The following OTUD7A variants were observed in gnomAD, a reference collection of about 807,000 sequenced individuals.
The protein encoded by OTUD7A is OTU domain-containing protein 7A.
OTUD7A carries 12 observed loss-of-function variants against 65.7 expected under a neutral mutation model. That is an observed-to-expected ratio of 0.18 (90% CI 0.12 to 0.30). The LOEUF is 0.30. Ranked by LOEUF, OTUD7A falls within the 10% of genes least tolerant of loss-of-function variation. The probability of loss-of-function intolerance (pLI) is 1.00; values close to 1 mark genes in which losing one functional copy is unlikely to be tolerated. For synonymous variants in OTUD7A, 641 were observed against 586.3 expected (o/e 1.09, Z -1.35); for missense variants, 1,148 against 1,304.8 (o/e 0.88, Z 1.85).
intron 1 of OTUD7A, among the ~76,000 whole-genome samples, chr15:31,840,637 T>C (rs1224281894): frequency 1.3e-5 from 2 of 152,152 alleles, no homozygotes; most frequent in African/African-American, 4.8e-5. Context: ...TAATAGACAC[T>C]GGTAGTGGTG....
In OTUD7A at chr15:31,796,142, C is replaced by CGT. The variant is rs145581747; in HGVS notation, c.-100+74363_-100+74364dup. Among the ~76,000 whole-genome samples, 1,436 of 148,070 alleles carry CGT rather than the reference C, an allele frequency of 9.7e-3. 25 individuals carry two copies. Among genetic ancestry groups the CGT allele is most frequent in the African/African-American group, 0.032 (1,286 of 39,854 alleles). ...AGAGAAGCAGAACCAGTAAGGGGTG[C>CGT]GTGTGTGTGTGTGTGTGTGTGTGTA... On this transcript the variant is annotated intron_variant, in intron 1 of 12. Coordinates refer to ENST00000307050, the MANE Select transcript of OTUD7A (RefSeq NM_001382637.1).
At chr15:31,735,934 A>G (rs558638271) in intron 1 of OTUD7A, among the ~76,000 whole-genome samples, 1 of 152,340 alleles carries the variant, frequency 6.6e-6, no homozygotes, top group South Asian at 2.1e-4. Context: ...GCTGGAGGCC[A>G]TTATCCTTAA....
chr15:31,650,970 T>C (rs185034982), intron 3 of OTUD7A, among the ~76,000 whole-genome samples: 3,848 of 150,500 alleles, frequency 0.026, 26 homozygotes, highest in Non-Finnish European at 0.032. Flanking sequence ...GGCTCACTAC[T>C]GGGATGAAGA....
chr15:31,844,007 C>T (rs1302610935), intron 1 of OTUD7A, among the ~76,000 whole-genome samples: 1 of 152,230 alleles, frequency 6.6e-6, no homozygotes, highest in Non-Finnish European at 1.5e-5. Context: ...TCAATCAGAC[C>T]TCATTAATTC....
At chr15:31,633,046 G>A (rs1891228133) in intron 3 of OTUD7A, among the ~76,000 whole-genome samples, 1 of 152,188 alleles carries the variant, frequency 6.6e-6, no homozygotes, top group African/African-American at 2.4e-5. Context: ...ACTAGGAAAG[G>A]GAATTCCCTG....
intron 1 of OTUD7A, chr15:31,768,115 A>G (rs1595756055): frequency 5.6e-6 from 9 of 1,596,684 alleles, no homozygotes; most frequent in Non-Finnish European, 7.7e-6. Flanking sequence ...GTTTTCTTAG[A>G]GGCATTCCTG....
intron 1 of OTUD7A, among the ~76,000 whole-genome samples, chr15:31,720,313 AC>A (rs1383424126): frequency 6.6e-6 from 1 of 151,948 alleles, no homozygotes; most frequent in African/African-American, 2.4e-5. Context: ...GTCTGCATAT[AC>A]AATGGTGGTC....
intron 1 of OTUD7A, among the ~76,000 whole-genome samples, chr15:31,838,218 T>C (rs1897101866): frequency 6.6e-6 from 1 of 152,180 alleles, no homozygotes; most frequent in Non-Finnish European, 1.5e-5. Context: ...CATGAAAAGG[T>C]CTTAGATGTG....
intron 1 of OTUD7A, among the ~76,000 whole-genome samples, chr15:31,721,937 G>A (rs555915985): frequency 2.2e-4 from 33 of 152,340 alleles, no homozygotes; most frequent in Non-Finnish European, 4.4e-4. Context: ...CATCTGGCTC[G>A]AAGTCGGTGC....
chr15:31,762,215 G>C (rs1454392948), intron 1 of OTUD7A, among the ~76,000 whole-genome samples: 1 of 152,202 alleles, frequency 6.6e-6, no homozygotes, highest in Non-Finnish European at 1.5e-5. Context: ...ATTCTGCAGT[G>C]GCAGGAGTGG....
chr15:31,515,154 G>A (rs2041824176), intron 8 of OTUD7A, among the ~76,000 whole-genome samples: 2 of 152,182 alleles, frequency 1.3e-5, no homozygotes, highest in African/African-American at 4.8e-5. Context: ...TAGAAATGTG[G>A]AGCACTGTTC....
chr15:31,506,929 T>C (rs1286154153), intron 8 of OTUD7A, among the ~76,000 whole-genome samples: 1 of 152,170 alleles, frequency 6.6e-6, no homozygotes, highest in African/African-American at 2.4e-5. Context: ...ACCATTTAAG[T>C]GGAAAGGGGA....
chr15:31,817,340 G>A (rs1896577101), intron 1 of OTUD7A, among the ~76,000 whole-genome samples: 1 of 150,966 alleles, frequency 6.6e-6, no homozygotes, highest in Admixed American at 6.7e-5. Context: ...GCATCCTGTG[G>A]TCAGGACTGA....
At chr15:31,858,270 T>C (rs896792914) in intron 1 of OTUD7A, among the ~76,000 whole-genome samples, 15 of 152,156 alleles carry the variant, frequency 9.9e-5, no homozygotes, top group Non-Finnish European at 1.9e-4. Context: ...CCACAGCCAC[T>C]GACCAGAGTA....
rs113978296 is a variant in OTUD7A, at chr15:31,639,114, T to TA, written c.151+15981dup. 5.6e-3 allele frequency among the ~76,000 whole-genome samples: 814 copies of TA among 145,098 alleles called. 9 individuals are homozygous for TA. The highest frequency in any genetic ancestry group is 0.018 in the African/African-American group (711 of 39,720). The stretch of plus-strand genomic sequence containing the variant: ...GCGCCACCGCACTCCAGCCTCTGTC[T>TA]AAAAAAAAAAAAGATTCCTCAGCTG... On this transcript the variant is annotated intron_variant, in intron 3 of 12. Coordinates refer to ENST00000307050, the MANE Select transcript of OTUD7A (RefSeq NM_001382637.1).
intron 1 of OTUD7A, among the ~76,000 whole-genome samples, chr15:31,825,926 G>A (rs1410203431): frequency 6.6e-6 from 1 of 152,226 alleles, no homozygotes; most frequent in Non-Finnish European, 1.5e-5. Flanking sequence ...CTCAAATCCA[G>A]GTTATGATGA....
rs2041157226 is a variant in OTUD7A at position 31,483,160 on chromosome 15, A to G, written c.*134T>C. ...GTTCAGGCACCATTAGGAACGTTTG[A>G]CCAAACACGTACACGGCACTGACAG... On this transcript the variant is annotated 3_prime_UTR_variant, in exon 13 of 13. Coordinates refer to ENST00000307050, the MANE Select transcript of OTUD7A (RefSeq NM_001382637.1). 8.0e-6 allele frequency: 7 copies of G among 875,880 alleles called. No homozygotes were observed. Among genetic ancestry groups the G allele is most frequent in the Non-Finnish European group, 9.7e-6 (7 of 721,566 alleles). The allele number at this position is 875,880 out of a possible 1,614,324, so 54.3% of individuals were successfully genotyped here.
intron 3 of OTUD7A, among the ~76,000 whole-genome samples, chr15:31,627,241 TC>T (rs1320712534): frequency 4.3e-4 from 22 of 50,610 alleles, no homozygotes; most frequent in African/African-American, 1.5e-3. Context: ...CCCTCCCCCC[TC>T]CCCCCACCCC....
intron 1 of OTUD7A, among the ~76,000 whole-genome samples, chr15:31,839,528 T>A (rs1324416038): frequency 2.0e-5 from 3 of 152,164 alleles, no homozygotes; most frequent in Non-Finnish European, 4.4e-5. Flanking sequence ...GCCAGGCATA[T>A]CCTGCCAAAG....
Sources: gnomAD v4.1 joint callset for allele counts (sites outside exome capture counted in the v4.1 genomes callset) on GRCh38, gnomAD v4.1.1 for gene constraint, MANE v1.5 for transcripts, NCBI Gene and HGNC (gene_info 2026-07-23, HGNC 2026-07-21) for gene names.